DOCK7: variants seen among roughly 807,000 people sequenced by gnomAD.
The protein encoded by DOCK7 is dedicator of cytokinesis protein 7.
DOCK7 carries 138 observed loss-of-function variants against 271.0 expected under a neutral mutation model. The observed-to-expected ratio is 0.51, with a 90% CI of 0.44 to 0.59. The LOEUF is 0.59. DOCK7 is among the 20% of genes least tolerant of loss of function. The pLI, the probability that DOCK7 is intolerant of heterozygous loss-of-function variation, is 0.00. For synonymous variants in DOCK7, 823 were observed against 876.1 expected, an observed-to-expected ratio of 0.94 and a Z score of 1.07; for missense variants, 2,066 against 2,592.4, an observed-to-expected ratio of 0.80 and a Z score of 4.41.
chr1:62,468,410 AC>A (rs2149246325), intron 48 of DOCK7, among the ~76,000 whole-genome samples: 1 of 151,946 alleles, frequency 6.6e-6, no homozygotes, highest in East Asian at 1.9e-4. Context: ...CAAGGGACAT[AC>A]CTCAATGTAA....
intron 31 of DOCK7, among the ~76,000 whole-genome samples, chr1:62,526,079 G>A (rs1245089728): frequency 1.3e-5 from 2 of 152,098 alleles, no homozygotes; most frequent in Non-Finnish European, 2.9e-5. Context: ...TGGGACTACA[G>A]TAGGCACATG....
At chr1:62,556,453 C>A (rs1646144037) in intron 20 of DOCK7, among the ~76,000 whole-genome samples, 2 of 134,044 alleles carry the variant, frequency 1.5e-5, no homozygotes, top group Non-Finnish European at 1.6e-5. Flanking sequence ...AAAATAATAA[C>A]AGTATAATAA....
intron 11 of DOCK7, among the ~76,000 whole-genome samples, chr1:62,629,989 G>A (rs568561045): frequency 3.9e-5 from 6 of 152,278 alleles, no homozygotes; most frequent in East Asian, 3.9e-4. Context: ...ACAAATGGCC[G>A]AAGCCTGTTC....
intron 14 of DOCK7, among the ~76,000 whole-genome samples, chr1:62,614,591 T>C (rs1571775296): frequency 6.6e-6 from 1 of 152,080 alleles, no homozygotes; most frequent in South Asian, 2.1e-4. Context: ...AGTTGTATAG[T>C]GCATGAGTAA....
intron 14 of DOCK7, 109 bp from the exon 15 acceptor site, chr1:62,586,733 GC>G (rs1165636710): frequency 1.7e-6 from 1 of 588,578 alleles, no homozygotes; most frequent in African/African-American, 1.9e-5. Flanking sequence ...ACTGATATTG[GC>G]TAGCAATTAT....
chr1:62,676,065 C>T (rs1439240589), intron 1 of DOCK7, among the ~76,000 whole-genome samples: 1 of 152,110 alleles, frequency 6.6e-6, no homozygotes, highest in African/African-American at 2.4e-5. Flanking sequence ...GAATTGAAAA[C>T]AAGCCTTCAA....
chr1:62,642,233 C>T (rs1384201581), intron 7 of DOCK7, among the ~76,000 whole-genome samples: 1 of 151,794 alleles, frequency 6.6e-6, no homozygotes, highest in East Asian at 1.9e-4. Context: ...CTCAGCCTCC[C>T]GAGTAGCTGG....
chr1:62,560,310 T>C (rs1192133994), intron 19 of DOCK7, among the ~76,000 whole-genome samples: 2 of 152,170 alleles, frequency 1.3e-5, no homozygotes, highest in South Asian at 4.1e-4. Context: ...CTTCTCCCTG[T>C]ACATATTCTC....
intron 7 of DOCK7, chr1:62,641,541 T>C: frequency 2.2e-6 from 1 of 464,710 alleles, no homozygotes; most frequent in Non-Finnish European, 4.3e-6. Context: ...TTGGTGTTCA[T>C]CTACTTGCAG....
rs550463296 is a variant in DOCK7, at chr1:62,647,639, A to C, written c.818+52T>G. ...ACTCAGATTTTGTTACATCACTACT[A>C]AAATTTTATCCTGGAAAATAAAAGT... On this transcript the variant is annotated intron_variant, in intron 7 of 49. Transcript: ENST00000635253. 3.7e-5 allele frequency: 51 copies of C among 1,362,350 alleles called. No individual in the cohort carries two copies. The South Asian group carries it at 6.1e-4, about 16-fold the overall frequency. 84.4% of individuals were successfully genotyped at this position (1,362,350 alleles called of 1,614,324 possible).
At chr1:62,594,679 A>T (rs1016194631) in intron 14 of DOCK7, among the ~76,000 whole-genome samples, 1 of 152,128 alleles carries the variant, frequency 6.6e-6, no homozygotes, top group Non-Finnish European at 1.5e-5. Context: ...AAATCCCTAT[A>T]TGTTGATTTT....
At chr1:62,547,012 A>T (rs922036397) in intron 22 of DOCK7, among the ~76,000 whole-genome samples, 1 of 152,162 alleles carries the variant, frequency 6.6e-6, no homozygotes, top group Non-Finnish European at 1.5e-5. Flanking sequence ...CTTTTCTCTC[A>T]TGAATTTCCA....
chr1:62,685,964 T>C (rs1167114248), intron 1 of DOCK7, among the ~76,000 whole-genome samples: 2 of 152,238 alleles, frequency 1.3e-5, no homozygotes, highest in Non-Finnish European at 2.9e-5. Context: ...CATTTTGTGT[T>C]GTTTTGCACA....
At chr1:62,571,738 T>G (rs567263258) in intron 18 of DOCK7, among the ~76,000 whole-genome samples, 1 of 152,158 alleles carries the variant, frequency 6.6e-6, no homozygotes, top group African/African-American at 2.4e-5. Flanking sequence ...AGGAATGAGA[T>G]CATGTTCTCT....
At chr1:62,635,699 A>G (rs991089361) in intron 8 of DOCK7, 1 of 152,128 alleles carries the variant, frequency 6.6e-6, no homozygotes, top group African/African-American at 2.4e-5. Context: ...AATCCATAAT[A>G]TGTCTTGTGT....
chr1:62,513,320 T>C, intron 33 of DOCK7, 124 bp downstream of exon 33: 1 of 697,274 alleles, frequency 1.4e-6, no homozygotes, highest in Non-Finnish European at 1.9e-6. Context: ...TGCAGAGAAA[T>C]GATTATTCAA....
At position 62,478,081 on chromosome 1, in the gene DOCK7, G is replaced by A. The variant is rs538470780; in HGVS notation, c.5509-256C>T. 427 of 359,222 alleles carry A rather than the reference G, an allele frequency of 1.2e-3. 2 individuals are homozygous for A. The highest frequency in any genetic ancestry group is 1.9e-3 in the Non-Finnish European group (389 of 201,576). The allele number at this position is 359,222 out of a possible 1,614,324, so 22.3% of individuals were successfully genotyped here. A position where few individuals can be genotyped will look rare whatever the true frequency, so the allele number is the denominator to read the frequency against. ...ATATAATATTTTTCGGAGTTTGTAC[G>A]AAGTGCCTCTATCACATTGGTCTAT... On this transcript the variant is annotated intron_variant, in intron 43 of 49. Coordinates refer to ENST00000635253, the MANE Select transcript of DOCK7 (RefSeq NM_001367561.1).
intron 14 of DOCK7, among the ~76,000 whole-genome samples, chr1:62,591,227 C>T (rs902471097): frequency 6.6e-6 from 1 of 152,132 alleles, no homozygotes; most frequent in African/African-American, 2.4e-5. Context: ...GAACCACTAT[C>T]CTTAGCAAAC....
At chr1:62,565,932 T>C (rs1490241012) in intron 18 of DOCK7, among the ~76,000 whole-genome samples, 1 of 152,142 alleles carries the variant, frequency 6.6e-6, no homozygotes, top group Non-Finnish European at 1.5e-5. Flanking sequence ...AGCCAAATCA[T>C]GAGTGAACTC....
Sources: allele counts gnomAD v4.1 joint callset (sites outside exome capture counted in the v4.1 genomes callset), GRCh38; gene constraint gnomAD v4.1.1; transcripts MANE v1.5; gene names NCBI Gene and HGNC (gene_info 2026-07-23, HGNC 2026-07-21).